RHBDL3: variants seen among roughly 807,000 people sequenced by gnomAD.
RHBDL3 encodes rhomboid like 3, also known as rhomboid-related protein 3.
Under a neutral mutation model 48.2 loss-of-function variants are expected in RHBDL3, and 28 were observed. That is an observed-to-expected ratio of 0.58 (90% CI 0.43 to 0.80). The LOEUF (loss-of-function observed/expected upper bound fraction) is 0.80. Ranked by LOEUF, RHBDL3 falls within the 30% of genes least tolerant of loss-of-function variation. RHBDL3 has a pLI of 0.00. For synonymous variants in RHBDL3, 208 were observed against 232.3 expected (o/e 0.90, Z 0.95); for missense variants, 464 against 542.7 (o/e 0.85, Z 1.44).
intron 2 of RHBDL3, among the ~76,000 whole-genome samples, chr17:32,270,539 C>CT (rs1172884020): frequency 1.3e-5 from 2 of 152,000 alleles, no homozygotes; most frequent in Non-Finnish European, 2.9e-5. Context: ...GCCAGGATAC[C>CT]TTTTGTGGGG....
At chr17:32,313,022 G>A (rs1007160604) in intron 7 of RHBDL3, among the ~76,000 whole-genome samples, 3 of 151,840 alleles carry the variant, frequency 2.0e-5, no homozygotes, top group East Asian at 2.0e-4. Flanking sequence ...TGCTGGTCTC[G>A]AACTCTCAGG....
At chr17:32,292,391 A>G (rs1005901079) in intron 4 of RHBDL3, among the ~76,000 whole-genome samples, 2 of 152,226 alleles carry the variant, frequency 1.3e-5, no homozygotes, top group Non-Finnish European at 2.9e-5. Context: ...AATATATCCC[A>G]AAAGAATTGA....
chr17:32,275,560 T>A (rs1597615164), intron 2 of RHBDL3, among the ~76,000 whole-genome samples: 1 of 129,890 alleles, frequency 7.7e-6, no homozygotes, highest in African/African-American at 2.9e-5. Context: ...AGGTGTGAGG[T>A]CGTTTCTTTC....
intron 3 of RHBDL3, among the ~76,000 whole-genome samples, chr17:32,286,275 A>G (rs1248877754): frequency 2.0e-5 from 3 of 152,234 alleles, no homozygotes; most frequent in Admixed American, 1.3e-4. Context: ...CCAGGGGTCA[A>G]TGGAGCCTCT....
chr17:32,295,184 G>A (rs1243408391), intron 5 of RHBDL3, among the ~76,000 whole-genome samples: 2 of 152,232 alleles, frequency 1.3e-5, no homozygotes, highest in Admixed American at 1.3e-4. Context: ...TGGCCCTGGA[G>A]TGGGAACTGG....
chr17:32,312,989 G>T (rs2040881535), intron 7 of RHBDL3, among the ~76,000 whole-genome samples: 2 of 151,978 alleles, frequency 1.3e-5, no homozygotes, highest in South Asian at 4.2e-4. Flanking sequence ...TTTTATAGAG[G>T]CAGGGTTTCG....
At chr17:32,305,778 C>G (rs868753620) in intron 7 of RHBDL3, among the ~76,000 whole-genome samples, 2 of 151,798 alleles carry the variant, frequency 1.3e-5, no homozygotes, top group Non-Finnish European at 2.9e-5. Flanking sequence ...ATTAGCCAGG[C>G]GTGGTGGCAT....
Position 32,273,248 on chromosome 17 carries a change from C to T in RHBDL3, c.135+5323C>T, listed in dbSNP as rs546656910. Among the ~76,000 whole-genome samples, 22 of 152,328 alleles carry T rather than the reference C, an allele frequency of 1.4e-4. No individual in the cohort carries two copies. The South Asian group carries it at 1.7e-3, about 11-fold the overall frequency. ...AACTCCTGACCTCAGGTGATTCACC[C>T]GCCTTGGCCTCCCAAAGTACTGGGA... On this transcript the variant is annotated intron_variant, in intron 2 of 8. Transcript: ENST00000269051.
At chr17:32,275,736 G>A (rs1055669882) in intron 2 of RHBDL3, among the ~76,000 whole-genome samples, 10 of 152,194 alleles carry the variant, frequency 6.6e-5, no homozygotes, top group African/African-American at 1.7e-4. Context: ...ATGCTCAGGA[G>A]GCTGCTTGGG....
intron 2 of RHBDL3, among the ~76,000 whole-genome samples, chr17:32,271,388 G>A (rs914914461): frequency 1.3e-5 from 2 of 152,004 alleles, no homozygotes; most frequent in South Asian, 2.1e-4. Flanking sequence ...TTTTGCACAG[G>A]TAATGTCCCC....
chr17:32,273,714 CATATA>C (rs1438200567), intron 2 of RHBDL3, among the ~76,000 whole-genome samples: 2 of 152,068 alleles, frequency 1.3e-5, no homozygotes, highest in African/African-American at 4.8e-5. Flanking sequence ...AATAAAAAGA[CATATA>C]ATAGAGTAGG....
chr17:32,313,296 C>T (rs2040887382), intron 7 of RHBDL3, among the ~76,000 whole-genome samples: 1 of 152,190 alleles, frequency 6.6e-6, no homozygotes, highest in Admixed American at 6.5e-5. Flanking sequence ...TTTGAGGCTG[C>T]AGTGAGCTAT....
intron 7 of RHBDL3, among the ~76,000 whole-genome samples, chr17:32,314,696 T>G (rs1458505560): frequency 6.6e-6 from 1 of 152,136 alleles, no homozygotes; most frequent in East Asian, 1.9e-4. Context: ...TCCCATTAGA[T>G]GATTCCCAAG....
chr17:32,266,270 CG>C lies in RHBDL3; in HGVS notation c.82del (p.Glu28ArgfsTer71). Reference protein sequence around the residue: ...ERIEELEPEAEERLPAAPEDH... With the variant: ...ERIEELEPEAXERLPAAPEDH... ...GCATCGAGGAGCTGGAACCCGAGGC[CG>C]AGGAGCGGCTGCCCGCGGCGCCGGA... is the stretch of plus-strand genomic sequence containing the variant. On this transcript the variant is annotated frameshift_variant, in exon 1 of 9. Transcript: ENST00000269051. LOFTEE classifies it high-confidence loss of function. 2 of 1,468,250 alleles carry C rather than the reference CG, an allele frequency of 1.4e-6. No individual in the cohort carries two copies. The highest frequency in any genetic ancestry group is 1.8e-6 in the Non-Finnish European group (2 of 1,117,170). The allele number at this position is 1,468,250 out of a possible 1,614,324, so 91.0% of individuals were successfully genotyped here. A position where few individuals can be genotyped will look rare whatever the true frequency, so the allele number is the denominator to read the frequency against.
intron 6 of RHBDL3, among the ~76,000 whole-genome samples, chr17:32,300,185 C>CA (rs753199310): frequency 6.6e-6 from 1 of 152,184 alleles, no homozygotes; most frequent in Non-Finnish European, 1.5e-5. Flanking sequence ...GCTGTGATCT[C>CA]AACCACTATA....
At position 32,266,106 on chromosome 17, in the gene RHBDL3, G is replaced by A. The variant is rs1251554422; in HGVS notation, c.-84G>A. On this transcript the variant is annotated 5_prime_UTR_variant, in exon 1 of 9. Coordinates refer to ENST00000269051, the MANE Select transcript of RHBDL3 (RefSeq NM_138328.3). ...GCGGCGCGCACTGAGCCCCTGGAGC[G>A]GCGCGGCCGCCGCGGCGCAAAGTTA... is the stretch of plus-strand genomic sequence containing the variant. The A allele has an allele frequency of 3.0e-6, 1 of 333,386 alleles. No homozygotes were observed. The highest frequency in any genetic ancestry group is 4.3e-6 in the Non-Finnish European group (1 of 231,346). The allele number at this position is 333,386 out of a possible 1,614,324, so 20.7% of individuals were successfully genotyped here.
At chr17:32,291,203 G>A (rs189563235) in intron 4 of RHBDL3, among the ~76,000 whole-genome samples, 293 of 151,844 alleles carry the variant, frequency 1.9e-3, no homozygotes, top group African/African-American at 6.8e-3. Flanking sequence ...CATGGTGGTG[G>A]GTGCCTGTAA....
intron 4 of RHBDL3, 63 bp downstream of exon 4, chr17:32,289,079 G>T (rs530345368): frequency 1.5e-6 from 2 of 1,331,018 alleles, no homozygotes; most frequent in Admixed American, 1.7e-5. Context: ...GGGGAGAGGA[G>T]CCAAGAGGAT....
chr17:32,288,601 C>T (rs960717047), intron 3 of RHBDL3, among the ~76,000 whole-genome samples, 191 bp from the exon 4 acceptor site: 1 of 152,044 alleles, frequency 6.6e-6, no homozygotes, highest in Admixed American at 6.6e-5. Flanking sequence ...AGCCAAAAGA[C>T]GTGAAGGGCT....
Sources: allele counts gnomAD v4.1 joint callset (sites outside exome capture counted in the v4.1 genomes callset), GRCh38; gene constraint gnomAD v4.1.1; transcripts MANE v1.5; gene names NCBI Gene and HGNC (gene_info 2026-07-23, HGNC 2026-07-21).